Variants in BRINP3 observed in about 807,000 individuals in gnomAD.
The protein encoded by BRINP3 is BMP/retinoic acid inducible neural specific 3.
In BRINP3, 19 loss-of-function variants were observed where a neutral mutation model predicts 71.0. The observed-to-expected ratio is 0.27, with a 90% CI of 0.19 to 0.39. The LOEUF (loss-of-function observed/expected upper bound fraction) is 0.39. Among genes scored for constraint, BRINP3 ranks in the 10% least tolerant of loss-of-function variants. The pLI, the probability that BRINP3 is intolerant of heterozygous loss-of-function variation, is 1.00. For missense variants in BRINP3, 959 were observed against 940.8 expected (o/e 1.02, Z -0.25); for synonymous variants, 380 against 337.7 (o/e 1.13, Z -1.37).
At chr1:190,203,751 AT>A (rs1210678716) in intron 6 of BRINP3, among the ~76,000 whole-genome samples, 2,348 of 4,560 alleles carry the variant, frequency 0.51, 113 homozygotes, top group South Asian at 0.54. Flanking sequence ...ACTAAAGAAA[AT>A]ATATATATAT....
chr1:190,432,646 G>A (rs1056719475), intron 2 of BRINP3, among the ~76,000 whole-genome samples: 2 of 152,182 alleles, frequency 1.3e-5, no homozygotes, highest in African/African-American at 4.8e-5. Flanking sequence ...ACGTTAAGAG[G>A]TGGGACTGAA....
At chr1:190,241,465 TTC>T (rs151215200) in intron 4 of BRINP3, among the ~76,000 whole-genome samples, 106 of 148,200 alleles carry the variant, frequency 7.2e-4, no homozygotes, top group Admixed American at 7.4e-4. Flanking sequence ...ATGTAATTAA[TTC>T]TCTCTCTCTC....
At chr1:190,184,499 G>A (rs971959083) in intron 6 of BRINP3, among the ~76,000 whole-genome samples, 2 of 151,942 alleles carry the variant, frequency 1.3e-5, no homozygotes, top group African/African-American at 2.4e-5. Context: ...CATTAATGAT[G>A]GATTAGATAA....
chr1:190,473,494 A>C (rs1571409922), intron 1 of BRINP3, among the ~76,000 whole-genome samples: 1 of 151,168 alleles, frequency 6.6e-6, no homozygotes, highest in Admixed American at 6.6e-5. Context: ...AGAAAGTGTT[A>C]TTAACAAATA....
At chr1:190,254,783 G>T (rs1660494036) in intron 4 of BRINP3, among the ~76,000 whole-genome samples, 1 of 152,034 alleles carries the variant, frequency 6.6e-6, no homozygotes, top group African/African-American at 2.4e-5. Flanking sequence ...TTGCCTGATT[G>T]CCCTGGCCAG....
chr1:190,373,983 G>A (rs1477949298), intron 2 of BRINP3, among the ~76,000 whole-genome samples: 3 of 151,350 alleles, frequency 2.0e-5, no homozygotes, highest in Non-Finnish European at 4.4e-5. Context: ...GGAGCCAATT[G>A]CACAGGGTTT....
At chr1:190,229,394 TG>T (rs1657724473) in intron 5 of BRINP3, among the ~76,000 whole-genome samples, 1 of 152,152 alleles carries the variant, frequency 6.6e-6, no homozygotes, top group African/African-American at 2.4e-5. Flanking sequence ...CTGTCATGAT[TG>T]TGAGGCATCC....
intron 2 of BRINP3, among the ~76,000 whole-genome samples, chr1:190,401,056 T>TACCATATATGCCTGGTGTAGC (rs766600207): frequency 1.3e-5 from 2 of 152,088 alleles, no homozygotes; most frequent in Non-Finnish European, 2.9e-5. Flanking sequence ...TGAGGACAAA[T>TACCATATATGCCTGGTGTAGC]ACCATATATG....
chr1:190,238,730 T>A (rs77771397), intron 4 of BRINP3, among the ~76,000 whole-genome samples: 1 of 152,136 alleles, frequency 6.6e-6, no homozygotes, highest in Non-Finnish European at 1.5e-5. Context: ...TTTGAAAGTA[T>A]CTACATAAGT....
At chr1:190,244,979 G>T (rs1230386912) in intron 4 of BRINP3, among the ~76,000 whole-genome samples, 1 of 151,758 alleles carries the variant, frequency 6.6e-6, no homozygotes, top group Non-Finnish European at 1.5e-5. Context: ...TGAAGTTTCA[G>T]CATTATCAAA....
chr1:190,242,123 T>C (rs1422917402), intron 4 of BRINP3, among the ~76,000 whole-genome samples: 2 of 151,926 alleles, frequency 1.3e-5, no homozygotes, highest in Non-Finnish European at 2.9e-5. Context: ...AAACATATTA[T>C]TAATTATAAG....
At chr1:190,446,557 A>T (rs546212456) in intron 2 of BRINP3, among the ~76,000 whole-genome samples, 1 of 152,276 alleles carries the variant, frequency 6.6e-6, no homozygotes, top group East Asian at 1.9e-4. Context: ...AGTAATTGTA[A>T]GTGATTTTTG....
At chr1:190,145,636 G>A (rs1383393178) in intron 7 of BRINP3, among the ~76,000 whole-genome samples, 1 of 152,102 alleles carries the variant, frequency 6.6e-6, no homozygotes, top group Non-Finnish European at 1.5e-5. Flanking sequence ...AGAACAAAAA[G>A]TAGACCTACC....
intron 2 of BRINP3, 78 bp from the exon 3 acceptor site, chr1:190,281,828 G>T: frequency 7.4e-7 from 1 of 1,353,878 alleles, no homozygotes; most frequent in Non-Finnish European, 1.0e-6. Flanking sequence ...TGGTAGCTGG[G>T]GTCAGTACAT....
chr1:190,425,796 C>T (rs1167235806), intron 2 of BRINP3, among the ~76,000 whole-genome samples: 1 of 151,682 alleles, frequency 6.6e-6, no homozygotes, highest in African/African-American at 2.4e-5. Context: ...AACCATTAGA[C>T]CCAAACAATG....
chr1:190,441,614 A>G (rs1674826331), intron 2 of BRINP3, among the ~76,000 whole-genome samples: 1 of 152,122 alleles, frequency 6.6e-6, no homozygotes, highest in African/African-American at 2.4e-5. Context: ...TATTCCTTTA[A>G]AATGTGCATA....
chr1:190,293,020 T>C (rs556741100), intron 2 of BRINP3, among the ~76,000 whole-genome samples: 14 of 152,036 alleles, frequency 9.2e-5, no homozygotes, highest in Non-Finnish European at 1.9e-4. Flanking sequence ...TTAATCTCAC[T>C]TTCATTTATT....
chr1:190,417,624 A>T (rs146064987), intron 2 of BRINP3, among the ~76,000 whole-genome samples: 8 of 152,172 alleles, frequency 5.3e-5, no homozygotes, highest in African/African-American at 7.2e-5. Context: ...ACTGTAGCAT[A>T]TGTTTTTAAT....
intron 2 of BRINP3, among the ~76,000 whole-genome samples, chr1:190,290,827 A>G (rs1245460512): frequency 2.6e-5 from 4 of 151,942 alleles, no homozygotes; most frequent in African/African-American, 9.7e-5. Context: ...ACATTAACTC[A>G]TTTACAGATT....
Sources: gnomAD v4.1 joint callset for allele counts (sites outside exome capture counted in the v4.1 genomes callset) on GRCh38, gnomAD v4.1.1 for gene constraint, MANE v1.5 for transcripts, NCBI Gene and HGNC (gene_info 2026-07-23, HGNC 2026-07-21) for gene names.